The following SPTAN1 variants were observed in gnomAD, a reference collection of about 807,000 sequenced individuals.
SPTAN1 encodes spectrin alpha, non-erythrocytic 1.
Under a neutral mutation model 331.3 loss-of-function variants are expected in SPTAN1, and 61 were observed. That is an observed-to-expected ratio of 0.18 (90% CI 0.15 to 0.23). The LOEUF is 0.23. SPTAN1 is among the 10% of genes least tolerant of loss of function. The pLI, the probability that SPTAN1 is intolerant of heterozygous loss-of-function variation, is 1.00. For missense variants in SPTAN1, 2,043 were observed against 3,147.9 expected, an observed-to-expected ratio of 0.65 and a Z score of 8.40; for synonymous variants, 1,153 against 1,173.9, an observed-to-expected ratio of 0.98 and a Z score of 0.36.
Position 128,552,664 on chromosome 9 carries a change from G to A in SPTAN1, c.-36G>A, listed in dbSNP as rs1848258058. 6.6e-6 allele frequency: 1 copy of A among 151,768 alleles called. No homozygotes were observed. Among genetic ancestry groups the A allele is most frequent in the Non-Finnish European group, 1.5e-5 (1 of 67,892 alleles). 9.4% of individuals were successfully genotyped at this position (151,768 alleles called of 1,614,324 possible). On this transcript the variant is annotated 5_prime_UTR_variant, in exon 1 of 57. Transcript: ENST00000372739. This position sits in a 1 kb window ranked among gnomAD's most constrained non-coding sequence, Gnocchi z 4.6. Reference sequence around the variant, plus strand: ...TCGGTCCTTCAGCACCCCTCGGCCCGACGCACCCACGCCCCTCACCCCCCG... The same window carrying A: ...TCGGTCCTTCAGCACCCCTCGGCCCAACGCACCCACGCCCCTCACCCCCCG...
At position 128,563,587 on chromosome 9, in the gene SPTAN1, C is replaced by T. The variant is rs141200509; in HGVS notation, c.-3-3151C>T. Among the ~76,000 whole-genome samples the T allele has an allele frequency of 4.9e-3, 743 of 152,232 alleles. 2 individuals are homozygous for T. The highest frequency in any genetic ancestry group is 0.02 in the Middle Eastern group (6 of 294). On this transcript the variant is annotated intron_variant, in intron 1 of 56. Coordinates refer to ENST00000372739, the MANE Select transcript of SPTAN1 (RefSeq NM_001130438.3). ...TCTAGCACTTAACTGGATAGAATTC[C>T]AATTTTACAATATGCAAACTGAAAG...
chr9:128,598,017 C>T (rs1854544033), intron 24 of SPTAN1, among the ~76,000 whole-genome samples: 1 of 151,026 alleles, frequency 6.6e-6, no homozygotes, highest in Non-Finnish European at 1.5e-5. Flanking sequence ...GGCGCAATCT[C>T]AGCTCACCGC....
chr9:128,597,655 T>C (rs1004792314), intron 24 of SPTAN1, among the ~76,000 whole-genome samples: 1 of 152,188 alleles, frequency 6.6e-6, no homozygotes, highest in Admixed American at 6.5e-5. Flanking sequence ...TGTTTTGTTT[T>C]TGTTTTGTTT....
chr9:128,599,165 C>CAAA, intron 26 of SPTAN1, 179 bp downstream of exon 26: 1 of 694,054 alleles, frequency 1.4e-6, no homozygotes, highest in Non-Finnish European at 2.6e-6. Flanking sequence ...GACGGAGTCT[C>CAAA]ACTCTGTCAA....
At chr9:128,599,913 C>T (rs1854860664) in intron 26 of SPTAN1, 167 bp from the exon 27 acceptor site, 5 of 722,658 alleles carry the variant, frequency 6.9e-6, no homozygotes, top group South Asian at 4.9e-5. Flanking sequence ...CTTAACCAGC[C>T]TTGTAGTTTG....
chr9:128,583,006 A>G lies in SPTAN1; in HGVS notation c.1807-71A>G, dbSNP rs1046701431. On this transcript the variant is annotated intron_variant, in intron 14 of 56. Transcript: ENST00000372739. ...TATACATTCCTCCATAAAGATAAGTATGAAGGTAGTGCAAGGGAACTTGAC... is the reference window on the plus strand; with the variant it reads ...TATACATTCCTCCATAAAGATAAGTGTGAAGGTAGTGCAAGGGAACTTGAC... 2.5e-6 allele frequency: 4 copies of G among 1,586,248 alleles called. No homozygotes were observed. In the African/African-American group the frequency reaches 4.0e-5, roughly 16 times the overall value.
chr9:128,622,085 A>C (rs185118570), intron 45 of SPTAN1: 1 of 152,536 alleles, frequency 6.6e-6, no homozygotes, highest in Non-Finnish European at 1.5e-5. Context: ...ATGTAGCTAA[A>C]ATCCACTTCA....
Position 128,625,708 on chromosome 9 carries a change from A to C in SPTAN1, c.6070-61A>C. The C allele has an allele frequency of 1.3e-6, 2 of 1,535,802 alleles. No individual in the cohort carries two copies. On this transcript the variant is annotated intron_variant, in intron 47 of 56. Coordinates refer to ENST00000372739, the MANE Select transcript of SPTAN1 (RefSeq NM_001130438.3). This position sits in a 1 kb window ranked among gnomAD's most constrained non-coding sequence, Gnocchi z 4.1. ...GGACATGCTGGTGCCATCTGAGCCT[A>C]GGAAGAGCAAGTTCCAGTCCTGTGG...
In SPTAN1 at chr9:128,594,214, C is replaced by T; in HGVS notation, c.3255C>T (p.Gly1085=). Residue 1085 remains glycine (G), a synonymous_variant, in exon 24 of 57, where the codon GGC becomes GGT. Transcript: ENST00000372739. ...TGGAACTGGGTGAGAAGCGTAAAGG[C>T]ATGTTGGAGAAGAGTTGCAAGAAGT... ...SLLELGEKRK[G]MLEKSCKKFM... is the part of the protein sequence containing the mutation. 1 of 1,614,066 alleles carries T rather than the reference C, an allele frequency of 6.2e-7. No homozygotes were observed. Among genetic ancestry groups the T allele is most frequent in the Non-Finnish European group, 8.5e-7 (1 of 1,180,006 alleles).
intron 21 of SPTAN1, among the ~76,000 whole-genome samples, chr9:128,589,413 C>G (rs1398666634): frequency 6.6e-6 from 1 of 151,652 alleles, no homozygotes; most frequent in Non-Finnish European, 1.5e-5. Context: ...CTCAGCCTCC[C>G]GAGTAGCTGG....
At chr9:128,604,732 G>A (rs1429945143) in intron 29 of SPTAN1, among the ~76,000 whole-genome samples, 1 of 152,164 alleles carries the variant, frequency 6.6e-6, no homozygotes, top group East Asian at 1.9e-4. Flanking sequence ...AGGAGTTCAA[G>A]ACCAGCCTGG....
At chr9:128,615,983 G>C in intron 41 of SPTAN1, 143 bp downstream of exon 41, 1 of 867,534 alleles carries the variant, frequency 1.2e-6, no homozygotes, top group Non-Finnish European at 1.9e-6. Context: ...GGATGCCTCA[G>C]TGTCTTCTGC....
Position 128,609,631 on chromosome 9 carries a change from CT to C in SPTAN1, c.4759-16del. The stretch of plus-strand genomic sequence containing the variant: ...CACATCAGTGTACTGAACTCTTGTT[CT>C]TTTAATCTGTTTTTGTAGCTTTCCA... On this transcript the variant is annotated intron_variant, in intron 36 of 56. Coordinates refer to ENST00000372739, the MANE Select transcript of SPTAN1 (RefSeq NM_001130438.3). 1 of 1,523,024 alleles carries C rather than the reference CT, an allele frequency of 6.6e-7. No homozygotes were observed. The highest frequency in any genetic ancestry group is 8.8e-7 in the Non-Finnish European group (1 of 1,137,180). 94.3% of individuals were successfully genotyped at this position (1,523,024 alleles called of 1,614,324 possible). A position where few individuals can be genotyped will look rare whatever the true frequency, so the allele number is the denominator to read the frequency against.
chr9:128,591,067 CTT>C (rs34399310), intron 21 of SPTAN1, among the ~76,000 whole-genome samples: 9 of 150,246 alleles, frequency 6.0e-5, no homozygotes, highest in South Asian at 4.3e-4. Context: ...CATTTTGGAC[CTT>C]TTTTTTTTAT....
At chr9:128,621,661 C>A in intron 45 of SPTAN1, 1 of 323,956 alleles carries the variant, frequency 3.1e-6, no homozygotes, top group Admixed American at 4.1e-5. Flanking sequence ...TCTTTTCTCT[C>A]CACAGGTTTA....
At chr9:128,573,543 A>G (rs1192599557) in intron 3 of SPTAN1, among the ~76,000 whole-genome samples, 4 of 151,884 alleles carry the variant, frequency 2.6e-5, no homozygotes, top group African/African-American at 9.7e-5. Flanking sequence ...TGCAACCTCC[A>G]CCTCCCAGGT....
At chr9:128,564,027 C>T (rs1849716225) in intron 1 of SPTAN1, among the ~76,000 whole-genome samples, 1 of 152,010 alleles carries the variant, frequency 6.6e-6, no homozygotes, top group African/African-American at 2.4e-5. Context: ...AATCTTAGCA[C>T]TTTGGAAGAC....
At chr9:128,630,091 C>T in intron 51 of SPTAN1, 1 of 711,634 alleles carries the variant, frequency 1.4e-6, no homozygotes, top group South Asian at 1.4e-5. Flanking sequence ...TGGGCTCAGC[C>T]CTGGCCCACA....
intron 21 of SPTAN1, among the ~76,000 whole-genome samples, chr9:128,589,251 A>G (rs963850036): frequency 8.6e-5 from 13 of 151,322 alleles, no homozygotes; most frequent in African/African-American, 2.9e-4. Flanking sequence ...CTTTCTGTAT[A>G]ACTTGGACCT....
Sources: gnomAD v4.1 joint callset for allele counts (sites outside exome capture counted in the v4.1 genomes callset) on GRCh38, gnomAD v4.1.1 for gene constraint, Gnocchi (gnomAD v3.1) non-coding constraint, MANE v1.5 for transcripts, NCBI Gene and HGNC (gene_info 2026-07-23, HGNC 2026-07-21) for gene names.